TGM2: variants seen among roughly 807,000 people sequenced by gnomAD.
TGM2 encodes the protein transglutaminase 2, also known as protein-glutamine gamma-glutamyltransferase 2.
Under a neutral mutation model 75.6 loss-of-function variants are expected in TGM2, and 53 were observed. The observed-to-expected ratio is 0.70, with a 90% CI of 0.56 to 0.88. The LOEUF (loss-of-function observed/expected upper bound fraction) is 0.88, where lower values mean the gene tolerates loss of function less well. Ranked by LOEUF, TGM2 falls within the 40% of genes least tolerant of loss-of-function variation. The probability of loss-of-function intolerance (pLI) is 0.00; values close to 1 mark genes in which losing one functional copy is unlikely to be tolerated. For missense variants in TGM2, 842 were observed against 928.5 expected, an observed-to-expected ratio of 0.91 and a Z score of 1.21; for synonymous variants, 374 against 381.1, an observed-to-expected ratio of 0.98 and a Z score of 0.22.
chr20:38,167,778 C>T (rs948814893), upstream of TGM2, among the ~76,000 whole-genome samples: 5 of 152,188 alleles, frequency 3.3e-5, no homozygotes, highest in Non-Finnish European at 1.5e-5. Flanking sequence ...CATTGTTATT[C>T]CCTCTTCCTG....
At chr20:38,163,381 T>C (rs1169912678) in intron 1 of TGM2, among the ~76,000 whole-genome samples, 1 of 152,232 alleles carries the variant, frequency 6.6e-6, no homozygotes, top group Non-Finnish European at 1.5e-5. Flanking sequence ...CACCATCGAC[T>C]ATTCCAAAAA....
At chr20:38,146,673 C>T (rs1225527496) in intron 6 of TGM2, 44 bp downstream of exon 6, 2 of 1,609,936 alleles carry the variant, frequency 1.2e-6, no homozygotes, top group Non-Finnish European at 1.7e-6. Context: ...GCTCTTCGTG[C>T]CCCCTCCCAG....
At chr20:38,147,887 C>A in intron 5 of TGM2, 74 bp downstream of exon 5, 1 of 1,559,858 alleles carries the variant, frequency 6.4e-7, no homozygotes, top group Non-Finnish European at 8.7e-7. Flanking sequence ...TAGCCTGTGT[C>A]TCCACTGCGA....
rs2075184629 is a variant in TGM2, at chr20:38,156,145, G to A, written c.191-56C>T. On this transcript the variant is annotated intron_variant, in intron 2 of 12. Transcript: ENST00000361475. The stretch of plus-strand genomic sequence containing the variant: ...AGGGGTAGCAGGGCTGGCAGGGCAG[G>A]GCACCTACGTGGGGTCCCCCAGCTT... 26 of 1,584,588 alleles carry A rather than the reference G, an allele frequency of 1.6e-5. No homozygotes were observed. In the South Asian group the frequency reaches 2.9e-4, roughly 18 times the overall value.
chr20:38,155,626 GC>G (rs1428294657), intron 3 of TGM2, among the ~76,000 whole-genome samples: 9 of 152,178 alleles, frequency 5.9e-5, no homozygotes, highest in African/African-American at 2.2e-4. Context: ...GAGATTACAG[GC>G]ATGGATCACT....
At position 38,142,181 on chromosome 20, in the gene TGM2, A is replaced by G; in HGVS notation, c.878T>C (p.Ile293Thr). 1 of 1,614,162 alleles carries G rather than the reference A, an allele frequency of 6.2e-7. No individual in the cohort carries two copies. The highest frequency in any genetic ancestry group is 8.5e-7 in the Non-Finnish European group (1 of 1,180,024). ...GTAGTTGGTCACGACGCGGGTAGGG[A>G]TGCCCAGGCACCTCAGCACTGTTGG... The part of the protein sequence containing the change: ...VACTVLRCLG[I>T]PTRVVTNYNS... Residue 293 changes from isoleucine to threonine, a missense_variant, in exon 7 of 13, where the codon ATC becomes ACC. Coordinates refer to ENST00000361475, the MANE Select transcript of TGM2 (RefSeq NM_004613.4).
intron 1 of TGM2, among the ~76,000 whole-genome samples, chr20:38,162,791 C>T (rs963090623): frequency 6.6e-6 from 1 of 151,990 alleles, no homozygotes. Flanking sequence ...GATGAAGGTG[C>T]GCAGGGGCAG....
At chr20:38,146,970 C>T in intron 5 of TGM2, 76 bp from the exon 6 acceptor site, 1 of 1,507,904 alleles carries the variant, frequency 6.6e-7, no homozygotes, top group Non-Finnish European at 9.0e-7. Flanking sequence ...AGCCTGAGTA[C>T]AGCAGGGGGT....
Position 38,132,512 on chromosome 20 carries a change from G to T in TGM2, c.1616-12C>A, listed in dbSNP as rs917543029. ...AGGAACGCTCTTCTCTGCAGAAGGG[G>T]AGAAAGGAGGGTGCTCATGATGCAG... is the stretch of plus-strand genomic sequence containing the variant. On this transcript the variant is annotated splice_polypyrimidine_tract_variant and intron_variant, in intron 10 of 12. Transcript: ENST00000361475. 1.2e-6 allele frequency: 2 copies of T among 1,614,040 alleles called. No homozygotes were observed. The highest frequency in any genetic ancestry group is 1.3e-5 in the African/African-American group (1 of 75,036).
chr20:38,155,894 C>A lies in TGM2; in HGVS notation c.386G>T (p.Ser129Ile). 1 of 1,605,080 alleles carries A rather than the reference C, an allele frequency of 6.2e-7. No individual in the cohort carries two copies. Among genetic ancestry groups the A allele is most frequent in the Non-Finnish European group, 8.5e-7 (1 of 1,176,418 alleles). Residue 129 changes from serine to isoleucine, a missense_variant, in exon 3 of 13, where the codon AGC becomes ATC. Transcript: ENST00000361475. ...CAAAATGAAGTGGCCCAGCACAAAGCTGGATCCCTGGTAGCCAGTGGAGGC... is the reference window on the plus strand; with the variant it reads ...CAAAATGAAGTGGCCCAGCACAAAGATGGATCCCTGGTAGCCAGTGGAGGC... ...LEASTGYQGS[S>I]FVLGHFILLF... is the part of the protein sequence containing the mutation.
Position 38,129,940 on chromosome 20 carries a change from G to T in TGM2, c.*279C>A. The T allele has an allele frequency of 1.9e-6, 1 of 514,782 alleles. No homozygotes were observed. The highest frequency in any genetic ancestry group is 3.5e-6 in the Non-Finnish European group (1 of 284,910). 31.9% of individuals were successfully genotyped at this position (514,782 alleles called of 1,614,324 possible). The stretch of plus-strand genomic sequence containing the variant: ...AGGGCATCTGGGCAGGAGAGGGAAT[G>T]TAGGTCTTTCCTCTCTCACCCCAGC... On this transcript the variant is annotated 3_prime_UTR_variant, in exon 13 of 13. Coordinates refer to ENST00000361475, the MANE Select transcript of TGM2 (RefSeq NM_004613.4).
At chr20:38,132,223 G>T in intron 11 of TGM2, 117 bp downstream of exon 11, 1 of 1,189,348 alleles carries the variant, frequency 8.4e-7, no homozygotes, top group Non-Finnish European at 1.2e-6. Flanking sequence ...GGATCGCTAA[G>T]GCACCAAAGG....
At chr20:38,134,035 G>C (rs1169632945) in intron 10 of TGM2, among the ~76,000 whole-genome samples, 2 of 152,222 alleles carry the variant, frequency 1.3e-5, no homozygotes, top group Non-Finnish European at 2.9e-5. Context: ...TACTGCTAAA[G>C]AGGGAGATTG....
At chr20:38,163,640 T>C (rs934220469) in intron 1 of TGM2, among the ~76,000 whole-genome samples, 2 of 152,176 alleles carry the variant, frequency 1.3e-5, no homozygotes, top group Admixed American at 6.5e-5. Flanking sequence ...TTCGCCACCA[T>C]GTCCTGTGTT....
intron 10 of TGM2, chr20:38,132,866 G>C: frequency 4.3e-6 from 2 of 462,566 alleles, no homozygotes; most frequent in Non-Finnish European, 8.7e-6. Flanking sequence ...CGAGTGTCCC[G>C]GAAGAGCCTG....
At chr20:38,138,050 G>A in intron 10 of TGM2, 63 bp downstream of exon 10, 1 of 1,521,864 alleles carries the variant, frequency 6.6e-7, no homozygotes, top group Non-Finnish European at 8.9e-7. Flanking sequence ...TAAGTGGTTA[G>A]GTCACTACCT....
chr20:38,164,053 G>A (rs561969508), intron 1 of TGM2, among the ~76,000 whole-genome samples: 40 of 152,342 alleles, frequency 2.6e-4, no homozygotes, highest in Non-Finnish European at 3.8e-4. Flanking sequence ...TGTGACATGG[G>A]GCTGGAGGCT....
chr20:38,163,711 G>A (rs573880932), intron 1 of TGM2, among the ~76,000 whole-genome samples: 5 of 152,182 alleles, frequency 3.3e-5, no homozygotes, highest in Admixed American at 6.5e-5. Context: ...GTCGGTCCCC[G>A]TGTAATCACA....
chr20:38,153,300 G>A (rs556424892), intron 3 of TGM2, among the ~76,000 whole-genome samples: 4 of 152,146 alleles, frequency 2.6e-5, no homozygotes, highest in Admixed American at 1.3e-4. Flanking sequence ...CGAGGTGGGC[G>A]GATCACCTGA....
Sources: gnomAD v4.1 joint callset for allele counts (sites outside exome capture counted in the v4.1 genomes callset) on GRCh38, gnomAD v4.1.1 for gene constraint, MANE v1.5 for transcripts, NCBI Gene and HGNC (gene_info 2026-07-23, HGNC 2026-07-21) for gene names.